Variants in CFAP54 observed in about 807,000 individuals in gnomAD.
The protein encoded by CFAP54 is cilia and flagella associated protein 54, also known as cilia- and flagella-associated protein 54.
Under a neutral mutation model 370.4 loss-of-function variants are expected in CFAP54, and 290 were observed. That is an observed-to-expected ratio of 0.78 (90% CI 0.71 to 0.86). The LOEUF (loss-of-function observed/expected upper bound fraction) is 0.86. Among genes scored for constraint, CFAP54 ranks in the 40% least tolerant of loss-of-function variants. The probability of loss-of-function intolerance (pLI) is 0.00; values close to 1 mark genes in which losing one functional copy is unlikely to be tolerated. For missense variants in CFAP54, 3,399 were observed against 3,528.7 expected, an observed-to-expected ratio of 0.96 and a Z score of 0.93; for synonymous variants, 1,206 against 1,236.5, an observed-to-expected ratio of 0.98 and a Z score of 0.52.
At chr12:96,858,233 A>T (rs1959766975) in intron 66 of CFAP54, among the ~76,000 whole-genome samples, 1 of 152,208 alleles carries the variant, frequency 6.6e-6, no homozygotes, top group African/African-American at 2.4e-5. Context: ...TTTGATTTGC[A>T]TTTCTCTAAT....
intron 20 of CFAP54, among the ~76,000 whole-genome samples, chr12:96,578,432 T>C (rs1956001511): frequency 6.6e-6 from 1 of 152,222 alleles, no homozygotes; most frequent in Non-Finnish European, 1.5e-5. Context: ...GCTTCACTGA[T>C]TTTGGAAAAT....
Position 96,507,113 on chromosome 12 carries a change from T to C in CFAP54, c.739+14T>C. 1 of 1,467,038 alleles carries C rather than the reference T, an allele frequency of 6.8e-7. No homozygotes were observed. The highest frequency in any genetic ancestry group is 1.4e-5 in the South Asian group (1 of 72,134). The allele number at this position is 1,467,038 out of a possible 1,614,324, so 90.9% of individuals were successfully genotyped here. On this transcript the variant is annotated intron_variant, in intron 4 of 67. Coordinates refer to ENST00000524981, the MANE Select transcript of CFAP54 (RefSeq NM_001306084.2). ...TTATCTTCAATGGTATATGCTGATG[T>C]ATTTTATTTTCCATTGTGTCTTTCA... is the stretch of plus-strand genomic sequence containing the variant.
Position 96,589,490 on chromosome 12 carries a change from T to A in CFAP54, c.3139T>A (p.Phe1047Ile). 2 of 1,525,302 alleles carry A rather than the reference T, an allele frequency of 1.3e-6. No individual in the cohort carries two copies. The highest frequency in any genetic ancestry group is 1.2e-5 in the South Asian group (1 of 83,780). 94.5% of individuals were successfully genotyped at this position (1,525,302 alleles called of 1,614,324 possible). A position where few individuals can be genotyped will look rare whatever the true frequency, so the allele number is the denominator to read the frequency against. Residue 1047 changes from phenylalanine to isoleucine, a missense_variant, in exon 23 of 68, where the codon TTT becomes ATT. Coordinates refer to ENST00000524981, the MANE Select transcript of CFAP54 (RefSeq NM_001306084.2). ...AGTTTTCTCACCAGTTTGGGATTAT[T>A]TTGTTGCTTCGCCACTTCAGGATGA... ...KKVFSPVWDY[F>I]VASPLQDEQS...
At chr12:96,550,759 T>C (rs941446118) in intron 15 of CFAP54, among the ~76,000 whole-genome samples, 1 of 151,932 alleles carries the variant, frequency 6.6e-6, no homozygotes, top group East Asian at 1.9e-4. Context: ...GGGGCCAAAA[T>C]AGAAAAGGGA....
Position 96,598,715 on chromosome 12 carries a change from G to A in CFAP54, c.3587G>A (p.Ser1196Asn). The change falls in exon 26 of 68, where the codon AGC (serine) becomes AAC (asparagine). Residue 1196 changes from serine to asparagine, a missense_variant. Coordinates refer to ENST00000524981, the MANE Select transcript of CFAP54 (RefSeq NM_001306084.2). The stretch of plus-strand genomic sequence containing the variant: ...GTCTGCTCGAAGAAACATACTGCGA[G>A]CTTTGAAAGTATACAACACATGATA... ...SIVCSKKHTA[S>N]FESIQHMIAC... 2 of 682,364 alleles carry A rather than the reference G, an allele frequency of 2.9e-6. No homozygotes were observed. Among genetic ancestry groups the A allele is most frequent in the Non-Finnish European group, 5.4e-6 (2 of 373,504 alleles). The allele number at this position is 682,364 out of a possible 1,614,324, so 42.3% of individuals were successfully genotyped here. A position where few individuals can be genotyped will look rare whatever the true frequency, so the allele number is the denominator to read the frequency against.
intron 66 of CFAP54, among the ~76,000 whole-genome samples, chr12:96,848,859 G>T (rs1052290450): frequency 7.2e-5 from 11 of 152,192 alleles, no homozygotes; most frequent in African/African-American, 2.4e-4. Context: ...AATTTCTATG[G>T]TTTGGCAGAG....
chr12:96,784,975 C>T, intron 61 of CFAP54, 85 bp downstream of exon 61: 1 of 1,095,658 alleles, frequency 9.1e-7, no homozygotes, highest in South Asian at 2.3e-5. Flanking sequence ...TTATAAGATA[C>T]TTTTGACATC....
At chr12:96,719,745 C>T (rs1296836099) in intron 49 of CFAP54, among the ~76,000 whole-genome samples, 1 of 152,200 alleles carries the variant, frequency 6.6e-6, no homozygotes, top group African/African-American at 2.4e-5. Flanking sequence ...ATACTGTAAA[C>T]AAGTGTCCTT....
chr12:96,550,246 T>C (rs967094850), intron 15 of CFAP54, among the ~76,000 whole-genome samples: 8 of 152,104 alleles, frequency 5.3e-5, no homozygotes, highest in Admixed American at 1.3e-4. Context: ...GATGATAGAA[T>C]GTGAGCGTGT....
At chr12:96,591,492 A>G (rs1956123735) in intron 23 of CFAP54, among the ~76,000 whole-genome samples, 1 of 151,930 alleles carries the variant, frequency 6.6e-6, no homozygotes, top group Admixed American at 6.6e-5. Flanking sequence ...CAGCCAGTAG[A>G]GAGAGAGAGA....
intron 50 of CFAP54, among the ~76,000 whole-genome samples, chr12:96,732,543 T>C: frequency 6.6e-6 from 1 of 152,348 alleles, no homozygotes; most frequent in South Asian, 2.1e-4. Context: ...TTTATTTTAA[T>C]ATGTAATAGG....
At chr12:96,811,037 G>A (rs1244458167) in intron 63 of CFAP54, among the ~76,000 whole-genome samples, 1 of 152,130 alleles carries the variant, frequency 6.6e-6, no homozygotes, top group Non-Finnish European at 1.5e-5. Context: ...TTGGGGCTCT[G>A]TTCTCTGAGC....
intron 27 of CFAP54, 137 bp from the exon 28 acceptor site, chr12:96,623,626 GTTAA>G: frequency 1.7e-6 from 1 of 578,470 alleles, no homozygotes. Flanking sequence ...ATTCATTGTT[GTTAA>G]TTAATATTGT....
In CFAP54 at chr12:96,817,817, A is replaced by C; in HGVS notation, c.9000A>C (p.Ile3000=). Reference sequence around the variant, plus strand: ...AGAAATTATCTAATCTTGCTCAAATAGCTGAACTATCATTGCCAGCAGCTC... The same window carrying C: ...AGAAATTATCTAATCTTGCTCAAATCGCTGAACTATCATTGCCAGCAGCTC... ...IHEKLSNLAQ[I]AELSLPAAPE... is the part of the protein sequence containing the mutation. Residue 3000 remains isoleucine (I), a synonymous_variant, in exon 65 of 68, where the codon ATA becomes ATC. Coordinates refer to ENST00000524981, the MANE Select transcript of CFAP54 (RefSeq NM_001306084.2). 2 of 1,510,832 alleles carry C rather than the reference A, an allele frequency of 1.3e-6. No individual in the cohort carries two copies. Among genetic ancestry groups the C allele is most frequent in the Non-Finnish European group, 1.8e-6 (2 of 1,132,430 alleles). The allele number at this position is 1,510,832 out of a possible 1,614,324, so 93.6% of individuals were successfully genotyped here.
chr12:96,535,641 G>A, intron 12 of CFAP54, 41 bp downstream of exon 12: 3 of 1,390,852 alleles, frequency 2.2e-6, no homozygotes, highest in Non-Finnish European at 2.9e-6. Flanking sequence ...AGTGTGGAAG[G>A]AGGTTTTTGT....
At chr12:96,598,558 G>C (rs1252900565) in intron 25 of CFAP54, 87 bp from the exon 26 acceptor site, 5 of 448,192 alleles carry the variant, frequency 1.1e-5, no homozygotes, top group East Asian at 9.7e-5. Flanking sequence ...ATGTCTTAAA[G>C]CTTGCATTAT....
chr12:96,809,299 T>C lies in CFAP54; in HGVS notation c.8851-2437T>C, dbSNP rs549654311. Among the ~76,000 whole-genome samples, 11 of 152,290 alleles carry C rather than the reference T, an allele frequency of 7.2e-5. No homozygotes were observed. In the South Asian group the frequency reaches 1.9e-3, roughly 26 times the overall value. ...ATCTTAGTACCTTTTGGAATTTCTA[T>C]TATTCAGTTATTGAACCAATTGGAT... On this transcript the variant is annotated intron_variant, in intron 63 of 67. Transcript: ENST00000524981.
At position 96,765,153 on chromosome 12, in the gene CFAP54, C is replaced by A; in HGVS notation, c.8216C>A (p.Ala2739Glu). 1 of 1,541,960 alleles carries A rather than the reference C, an allele frequency of 6.5e-7. No homozygotes were observed. Among genetic ancestry groups the A allele is most frequent in the Non-Finnish European group, 8.8e-7 (1 of 1,131,094 alleles). Residue 2739 changes from alanine to glutamate, a missense_variant, in exon 60 of 68, where the codon GCA becomes GAA. Around this residue, in one of 3 missense-constraint regions of CFAP54, gnomAD observed 2,796 missense variants for 2,869.7 expected, o/e 0.97. Coordinates refer to ENST00000524981, the MANE Select transcript of CFAP54 (RefSeq NM_001306084.2). ...NTRMHKVNQV[A>E]LPNIPEFAAL... ...AGAATGCATAAAGTTAACCAAGTGG[C>A]ATTACCAAATATCCCAGAATTTGCT...
At chr12:96,609,256 A>G (rs1184210380) in intron 26 of CFAP54, among the ~76,000 whole-genome samples, 1 of 152,212 alleles carries the variant, frequency 6.6e-6, no homozygotes, top group East Asian at 1.9e-4. Context: ...TGGTCTTAGG[A>G]CAGTGTCATT....
Sources: gnomAD v4.1 joint callset for allele counts (sites outside exome capture counted in the v4.1 genomes callset) on GRCh38, gnomAD v4.1.1 for gene constraint, gnomAD v4.1.1 regional missense constraint, MANE v1.5 for transcripts, NCBI Gene and HGNC (gene_info 2026-07-23, HGNC 2026-07-21) for gene names.